The following PALM2AKAP2 variants were observed in gnomAD, a reference collection of about 807,000 sequenced individuals.
The protein encoded by PALM2AKAP2 is PALM2-AKAP2 fusion protein.
PALM2AKAP2 carries 37 observed loss-of-function variants against 71.5 expected under a neutral mutation model. That is an observed-to-expected ratio of 0.52 (90% confidence interval 0.40 to 0.68). The LOEUF (loss-of-function observed/expected upper bound fraction) is 0.68, where lower values mean the gene tolerates loss of function less well. Among genes scored for constraint, PALM2AKAP2 ranks in the 30% least tolerant of loss-of-function variants. PALM2AKAP2 has a pLI of 0.00. For synonymous variants in PALM2AKAP2, 468 were observed against 478.8 expected, an observed-to-expected ratio of 0.98 and a Z score of 0.29; for missense variants, 1,224 against 1,191.8, an observed-to-expected ratio of 1.03 and a Z score of -0.40.
chr9:109,737,828 A>T (rs1479505414), intron 1 of PALM2AKAP2, among the ~76,000 whole-genome samples: 1 of 152,230 alleles, frequency 6.6e-6, no homozygotes, highest in African/African-American at 2.4e-5. Context: ...ATTATTACTA[A>T]TCTTAAAATG....
chr9:109,693,875 A>G (rs1827931384), intron 1 of PALM2AKAP2, among the ~76,000 whole-genome samples: 1 of 152,058 alleles, frequency 6.6e-6, no homozygotes, highest in Non-Finnish European at 1.5e-5. Flanking sequence ...TTTCATGTAT[A>G]CTTGAAATGA....
intron 1 of PALM2AKAP2, among the ~76,000 whole-genome samples, chr9:110,082,968 C>A (rs185429212): frequency 6.6e-6 from 1 of 152,156 alleles, no homozygotes; most frequent in African/African-American, 2.4e-5. Context: ...ATGGAGAAAC[C>A]CCGTCTCTAC....
At chr9:109,836,028 G>A (rs1039448721) in intron 1 of PALM2AKAP2, among the ~76,000 whole-genome samples, 1 of 152,204 alleles carries the variant, frequency 6.6e-6, no homozygotes, top group African/African-American at 2.4e-5. Context: ...TTTGAAGAGA[G>A]TAGTGGTTCT....
At position 109,931,914 on chromosome 9, in the gene PALM2AKAP2, T is replaced by C; in HGVS notation, c.395-13T>C. ...CACTGTGACTAATTGTATTCCCTGT[T>C]CTCTGCTACCAGATGCAGTAAATTA... On this transcript the variant is annotated splice_polypyrimidine_tract_variant and intron_variant, in intron 5 of 9. Transcript: ENST00000302798. 6.2e-7 allele frequency: 1 copy of C among 1,613,372 alleles called. No individual in the cohort carries two copies. The highest frequency in any genetic ancestry group is 8.5e-7 in the Non-Finnish European group (1 of 1,179,604).
chr9:110,141,556 A>G (rs528714545), intron 2 of PALM2AKAP2, among the ~76,000 whole-genome samples: 193 of 152,340 alleles, frequency 1.3e-3, no homozygotes, highest in Non-Finnish European at 2.4e-3. Context: ...CTCCAAGTTC[A>G]TGATCGGGGA....
chr9:109,962,621 T>G (rs996802665), intron 6 of PALM2AKAP2, among the ~76,000 whole-genome samples: 1 of 152,102 alleles, frequency 6.6e-6, no homozygotes, highest in Middle Eastern at 3.2e-3. Flanking sequence ...GAGCACTGAT[T>G]AAATGCCCTG....
chr9:109,789,364 T>C (rs944299806), intron 1 of PALM2AKAP2, among the ~76,000 whole-genome samples: 1 of 152,170 alleles, frequency 6.6e-6, no homozygotes, highest in Non-Finnish European at 1.5e-5. Context: ...GCAACTCCAA[T>C]AGGATGCCAG....
intron 1 of PALM2AKAP2, among the ~76,000 whole-genome samples, chr9:109,785,101 T>C (rs903999728): frequency 6.6e-6 from 1 of 152,224 alleles, no homozygotes; most frequent in Non-Finnish European, 1.5e-5. Flanking sequence ...GTAAATGTTA[T>C]ATAAATTGTC....
At chr9:110,073,494 G>GTTGT (rs1834254135) in intron 1 of PALM2AKAP2, among the ~76,000 whole-genome samples, 1 of 152,126 alleles carries the variant, frequency 6.6e-6, no homozygotes, top group African/African-American at 2.4e-5. Context: ...AGCCTAGCTT[G>GTTGT]TTGTTTTATC....
chr9:109,685,221 T>A (rs1827791342), intron 1 of PALM2AKAP2, among the ~76,000 whole-genome samples: 1 of 152,158 alleles, frequency 6.6e-6, no homozygotes. Flanking sequence ...TTGACCATAG[T>A]GGAAATCCCA....
intron 1 of PALM2AKAP2, among the ~76,000 whole-genome samples, chr9:109,822,288 C>CATCT (rs1828030208): frequency 6.6e-6 from 1 of 152,020 alleles, no homozygotes; most frequent in Non-Finnish European, 1.5e-5. Context: ...TCCATCCATC[C>CATCT]ATCCATCCAT....
At chr9:109,946,038 C>A (rs1831496817) in intron 6 of PALM2AKAP2, 1 of 152,202 alleles carries the variant, frequency 6.6e-6, no homozygotes, top group Admixed American at 6.5e-5. Flanking sequence ...TGTAGCCACA[C>A]TAAATGAAGG....
chr9:109,857,966 C>T (rs1829211651), intron 1 of PALM2AKAP2, among the ~76,000 whole-genome samples: 1 of 152,214 alleles, frequency 6.6e-6, no homozygotes, highest in African/African-American at 2.4e-5. Flanking sequence ...ATTGTTGTTG[C>T]ATGAGTAAAT....
intron 6 of PALM2AKAP2, among the ~76,000 whole-genome samples, chr9:110,014,259 A>C (rs917297180): frequency 2.0e-5 from 3 of 152,214 alleles, no homozygotes; most frequent in Admixed American, 2.0e-4. Context: ...TAGGAAAATC[A>C]ATAATGTAAA....
chr9:109,933,696 A>G (rs1831160356), intron 6 of PALM2AKAP2, among the ~76,000 whole-genome samples: 1 of 152,254 alleles, frequency 6.6e-6, no homozygotes, highest in African/African-American at 2.4e-5. Flanking sequence ...TCAAAAGTAT[A>G]ATGTGATCAG....
intron 1 of PALM2AKAP2, among the ~76,000 whole-genome samples, chr9:110,082,531 A>G (rs1455561438): frequency 3.3e-5 from 5 of 152,230 alleles, no homozygotes; most frequent in Admixed American, 2.6e-4. Flanking sequence ...AAAGTTTAGA[A>G]CTGCTGATCT....
chr9:110,121,479 C>G (rs1462085196), intron 1 of PALM2AKAP2, among the ~76,000 whole-genome samples: 1 of 152,152 alleles, frequency 6.6e-6, no homozygotes. Context: ...TCGCTAAGCA[C>G]CAGGAAGCAG....
At chr9:109,657,450 A>G (rs1827323228) in intron 1 of PALM2AKAP2, among the ~76,000 whole-genome samples, 1 of 72,570 alleles carries the variant, frequency 1.4e-5, no homozygotes, top group South Asian at 3.3e-4. Context: ...GCAATATGGT[A>G]TTTGTGTGTG....
chr9:109,948,961 TA>T (rs758066550), intron 6 of PALM2AKAP2, among the ~76,000 whole-genome samples: 1 of 151,212 alleles, frequency 6.6e-6, no homozygotes, highest in Admixed American at 6.6e-5. Flanking sequence ...TCCTTTTTGG[TA>T]AAAAAAAACG....
Sources: gnomAD v4.1 joint callset for allele counts (sites outside exome capture counted in the v4.1 genomes callset) on GRCh38, gnomAD v4.1.1 for gene constraint, MANE v1.5 for transcripts, NCBI Gene and HGNC (gene_info 2026-07-23, HGNC 2026-07-21) for gene names.